The following DRC11L variants were observed in gnomAD, a reference collection of about 807,000 sequenced individuals.
DRC11L encodes the protein dynein regulatory complex subunit like-11.
chr7:151,204,729 T>A, the DRC11L span: 2 of 399,040 alleles, frequency 5.0e-6, no homozygotes, highest in Non-Finnish European at 8.8e-6. Context: ...GAGCCTGTAC[T>A]GGAAGGACTG....
At chr7:151,192,916 C>T in the DRC11L span, 2,233 of 398,572 alleles carry the variant, frequency 5.6e-3, 42 homozygotes, top group African/African-American at 0.041. Flanking sequence ...GGATGAGGGC[C>T]GGCCTTGAGC....
the DRC11L span, chr7:151,193,612 G>A: frequency 1.4e-4 from 55 of 398,284 alleles, no homozygotes; most frequent in Non-Finnish European, 1.8e-4. Flanking sequence ...AGATCACAGG[G>A]CATACTACCT....
chr7:151,199,143 A>C, the DRC11L span: 1 of 397,682 alleles, frequency 2.5e-6, no homozygotes, highest in Non-Finnish European at 4.4e-6. The surrounding 1 kb of genome is among the most constrained non-coding windows in gnomAD (Gnocchi z 5.2). Context: ...CCTCACACAC[A>C]CACCCACACG....
the DRC11L span, chr7:151,193,050 A>G: frequency 7.6e-6 from 3 of 397,350 alleles, no homozygotes; most frequent in East Asian, 1.1e-4. Context: ...GGGGAGCTGC[A>G]TATTCAGTCT....
the DRC11L span, among the ~76,000 whole-genome samples, chr7:151,195,013 C>T: frequency 7.3e-4 from 111 of 152,282 alleles, no homozygotes; most frequent in African/African-American, 2.6e-3. Flanking sequence ...GACGTCAAGT[C>T]GCTTGTGAGC....
the DRC11L span, among the ~76,000 whole-genome samples, chr7:151,199,302 A>T: frequency 2.1e-5 from 3 of 144,294 alleles, no homozygotes; most frequent in African/African-American, 7.8e-5. The surrounding 1 kb of genome is among the most constrained non-coding windows in gnomAD (Gnocchi z 5.2). Flanking sequence ...CTCCGGCCCC[A>T]GCCCCCGCCT....
chr7:151,196,701 C>T, the DRC11L span: 3 of 398,060 alleles, frequency 7.5e-6, no homozygotes, highest in Non-Finnish European at 8.8e-6. Flanking sequence ...TGGCTGGTTG[C>T]CTTGTCCCCA....
the DRC11L span, chr7:151,196,878 C>T: frequency 2.5e-6 from 1 of 398,958 alleles, no homozygotes; most frequent in African/African-American, 2.1e-5. Flanking sequence ...CCCACACTGC[C>T]ACTTCATGGT....
the DRC11L span, chr7:151,199,067 G>A: frequency 1.3e-5 from 5 of 398,602 alleles, no homozygotes; most frequent in East Asian, 1.8e-4. This position sits in a 1 kb window ranked among gnomAD's most constrained non-coding sequence, Gnocchi z 5.2. Context: ...CAGTCTGGAT[G>A]CAGCCCCCAG....
the DRC11L span, chr7:151,195,778 C>T: frequency 0.22 from 87,295 of 395,812 alleles, 10,019 homozygotes; most frequent in South Asian, 0.38. Flanking sequence ...CCAGTGAGCC[C>T]GATGAAGGCA....
chr7:151,203,105 A>AGCAG, the DRC11L span: 4 of 399,180 alleles, frequency 1.0e-5, no homozygotes, highest in Admixed American at 4.4e-5. Context: ...CTCTGGCCAG[A>AGCAG]GCAGGGGCAA....
At chr7:151,202,989 A>G in the DRC11L span, 4 of 399,662 alleles carry the variant, frequency 1.0e-5, no homozygotes, top group East Asian at 1.4e-4. Context: ...CCTGCTCCTC[A>G]TCTCTTCGAA....
chr7:151,203,582 C>T, the DRC11L span: 1 of 398,178 alleles, frequency 2.5e-6, no homozygotes. Context: ...GATCCGTTAC[C>T]ATTTTTAGGG....
chr7:151,198,988 G>A, the DRC11L span: 1 of 398,952 alleles, frequency 2.5e-6, no homozygotes, highest in Non-Finnish European at 4.4e-6. Flanking sequence ...TGCTCTACCT[G>A]GTTGGGTGAG....
the DRC11L span, chr7:151,203,023 A>G: frequency 2.5e-6 from 1 of 399,856 alleles, no homozygotes; most frequent in Non-Finnish European, 4.4e-6. Flanking sequence ...GGTGGCTCGA[A>G]GCCGGCCTTG....
chr7:151,201,715 A>G, the DRC11L span, among the ~76,000 whole-genome samples: 2 of 151,960 alleles, frequency 1.3e-5, no homozygotes, highest in Non-Finnish European at 2.9e-5. The surrounding 1 kb of genome is among the most constrained non-coding windows in gnomAD (Gnocchi z 4.1). Context: ...GGCGGGGGAG[A>G]TTGATTTGAG....
chr7:151,193,535 C>A, the DRC11L span: 1 of 399,508 alleles, frequency 2.5e-6, no homozygotes, highest in Non-Finnish European at 4.4e-6. Flanking sequence ...AGGTCAGCAG[C>A]AGGAATCAGG....
the DRC11L span, chr7:151,200,504 C>A: frequency 2.5e-6 from 1 of 399,302 alleles, no homozygotes; most frequent in Non-Finnish European, 4.4e-6. Context: ...CACACAGTCT[C>A]CACCCTGCAG....
chr7:151,197,535 C>T, the DRC11L span, among the ~76,000 whole-genome samples: 2 of 152,162 alleles, frequency 1.3e-5, no homozygotes, highest in Admixed American at 1.3e-4. Flanking sequence ...AGAAAGGGTG[C>T]CCAAGAAGGA....
Sources: gnomAD v4.1 joint callset for allele counts (sites outside exome capture counted in the v4.1 genomes callset) on GRCh38, gnomAD v4.1.1 for gene constraint, Gnocchi (gnomAD v3.1) non-coding constraint, MANE v1.5 for transcripts, NCBI Gene and HGNC (gene_info 2026-07-23, HGNC 2026-07-21) for gene names.